Variants in RARB observed in about 807,000 individuals in gnomAD.
RARB encodes retinoic acid receptor beta, also known as HBV-activated protein.
In RARB, 17 loss-of-function variants were observed where a neutral mutation model predicts 51.9. The observed-to-expected ratio is 0.33, with a 90% confidence interval of 0.22 to 0.49. The LOEUF (loss-of-function observed/expected upper bound fraction) is 0.49, where lower values mean the gene tolerates loss of function less well. RARB is among the 20% of genes least tolerant of loss of function. The pLI is 0.99. For missense variants in RARB, 369 were observed against 550.8 expected (o/e 0.67, Z 3.30); for synonymous variants, 215 against 195.4 (o/e 1.10, Z -0.84).
At chr3:24,847,571 GA>G (rs1702500744) in intron 1 of RARB, among the ~76,000 whole-genome samples, 1 of 152,288 alleles carries the variant, frequency 6.6e-6, no homozygotes, top group East Asian at 1.9e-4. Context: ...TTCCATTTGA[GA>G]ACTTCCTTTG....
intron 2 of RARB, among the ~76,000 whole-genome samples, chr3:24,993,038 T>A (rs1409812998): frequency 6.6e-6 from 1 of 152,178 alleles, no homozygotes; most frequent in African/African-American, 2.4e-5. Context: ...AAATAAAAAA[T>A]ATTAGAAATC....
intron 3 of RARB, chr3:25,555,544 T>C (rs1448819387): frequency 6.6e-6 from 1 of 152,164 alleles, no homozygotes; most frequent in Non-Finnish European, 1.5e-5. Context: ...TTTTTCTAGC[T>C]CTGTCAGGAT....
chr3:24,969,139 A>G (rs985553802), intron 2 of RARB, among the ~76,000 whole-genome samples: 3 of 152,172 alleles, frequency 2.0e-5, no homozygotes, highest in African/African-American at 7.2e-5. Context: ...GTATAAATCT[A>G]TGTATATAAA....
intron 5 of RARB, among the ~76,000 whole-genome samples, chr3:25,386,795 T>G (rs989291610): frequency 3.3e-5 from 5 of 152,252 alleles, no homozygotes; most frequent in African/African-American, 1.2e-4. Flanking sequence ...ATGTACCATC[T>G]TGGGTGTCAC....
chr3:25,044,832 C>T (rs1698181656), intron 2 of RARB, among the ~76,000 whole-genome samples: 1 of 152,134 alleles, frequency 6.6e-6, no homozygotes, highest in Non-Finnish European at 1.5e-5. Flanking sequence ...CTATAGAAGG[C>T]CAGTACTGGA....
At chr3:24,960,940 C>T (rs1053954835) in intron 2 of RARB, among the ~76,000 whole-genome samples, 4 of 152,118 alleles carry the variant, frequency 2.6e-5, no homozygotes, top group Non-Finnish European at 4.4e-5. Flanking sequence ...GTTGTGAAAT[C>T]TTGAGGGTAA....
At chr3:25,354,116 CTAACA>C (rs1705658848) in intron 5 of RARB, among the ~76,000 whole-genome samples, 1 of 137,220 alleles carries the variant, frequency 7.3e-6, no homozygotes, top group South Asian at 2.4e-4. Context: ...TTTCTTAAGA[CTAACA>C]TAGTTTCCTT....
chr3:25,209,903 T>C (rs928197067), intron 5 of RARB, among the ~76,000 whole-genome samples: 1 of 152,202 alleles, frequency 6.6e-6, no homozygotes, highest in African/African-American at 2.4e-5. Flanking sequence ...CTCTGCCATC[T>C]TCCTACATTT....
intron 1 of RARB, among the ~76,000 whole-genome samples, chr3:25,442,660 A>C (rs905993763): frequency 1.3e-5 from 2 of 152,210 alleles, no homozygotes; most frequent in Admixed American, 6.5e-5. Context: ...AGGAAAATGT[A>C]AACAGAATGC....
At chr3:25,052,735 C>T (rs1188154054) in intron 2 of RARB, among the ~76,000 whole-genome samples, 3 of 152,124 alleles carry the variant, frequency 2.0e-5, no homozygotes, top group Non-Finnish European at 4.4e-5. Context: ...ATCATATTCT[C>T]TTATCTTTAT....
chr3:24,942,835 T>C (rs952803908), intron 2 of RARB, among the ~76,000 whole-genome samples: 1 of 152,214 alleles, frequency 6.6e-6, no homozygotes, highest in Non-Finnish European at 1.5e-5. Flanking sequence ...AATATCTGAA[T>C]TCATAAGATT....
chr3:25,436,543 C>G (rs1010071167), intron 1 of RARB, among the ~76,000 whole-genome samples: 7 of 152,078 alleles, frequency 4.6e-5, no homozygotes, highest in African/African-American at 1.7e-4. Flanking sequence ...CTGGGGCCCT[C>G]CTTATCAGGG....
chr3:25,065,914 CTT>C (rs1051856639), intron 3 of RARB, among the ~76,000 whole-genome samples: 2 of 152,048 alleles, frequency 1.3e-5, no homozygotes, highest in African/African-American at 4.8e-5. Flanking sequence ...AGATGACTCT[CTT>C]TTACCAAAAA....
At chr3:25,328,709 C>T (rs1704800235) in intron 5 of RARB, among the ~76,000 whole-genome samples, 1 of 152,106 alleles carries the variant, frequency 6.6e-6, no homozygotes, top group Non-Finnish European at 1.5e-5. Flanking sequence ...GGAACATGAG[C>T]CAAAGCAGGG....
chr3:25,511,468 G>A (rs1212072078), intron 3 of RARB, among the ~76,000 whole-genome samples: 1 of 151,998 alleles, frequency 6.6e-6, no homozygotes, highest in Non-Finnish European at 1.5e-5. Context: ...TCTATTTATG[G>A]CAAATGACAC....
chr3:25,187,654 A>G (rs1054830583), intron 5 of RARB, among the ~76,000 whole-genome samples: 1 of 152,122 alleles, frequency 6.6e-6, no homozygotes, highest in African/African-American at 2.4e-5. Context: ...ATGCAAATGA[A>G]GATTTCATTT....
chr3:25,485,149 TA>T (rs1696401652), intron 2 of RARB, among the ~76,000 whole-genome samples: 1 of 152,262 alleles, frequency 6.6e-6, no homozygotes, highest in Non-Finnish European at 1.5e-5. Context: ...TGGAATATTC[TA>T]TTTGTGTTAA....
intron 5 of RARB, among the ~76,000 whole-genome samples, chr3:25,414,726 T>A (rs2125502750): frequency 6.6e-6 from 1 of 152,350 alleles, no homozygotes. Flanking sequence ...ATGTCTTCAG[T>A]GACATTTCTG....
At chr3:24,999,451 A>C (rs970513208) in intron 2 of RARB, among the ~76,000 whole-genome samples, 32 of 152,188 alleles carry the variant, frequency 2.1e-4, no homozygotes, top group African/African-American at 4.8e-5. Flanking sequence ...TATTGCCCAC[A>C]TAGCGTGGAT....
Sources: gnomAD v4.1 joint callset for allele counts (sites outside exome capture counted in the v4.1 genomes callset) on GRCh38, gnomAD v4.1.1 for gene constraint, MANE v1.5 for transcripts, NCBI Gene and HGNC (gene_info 2026-07-23, HGNC 2026-07-21) for gene names.